FILIP1: variants seen among roughly 807,000 people sequenced by gnomAD.
The protein encoded by FILIP1 is filamin A interacting protein 1.
In FILIP1, 61 loss-of-function variants were observed where a neutral mutation model predicts 102.1. The observed-to-expected ratio is 0.60, with a 90% confidence interval of 0.49 to 0.74. The LOEUF (loss-of-function observed/expected upper bound fraction) is 0.74. Ranked by LOEUF, FILIP1 falls within the 30% of genes least tolerant of loss-of-function variation. The pLI is 0.00. For synonymous variants in FILIP1, 491 were observed against 526.9 expected, an observed-to-expected ratio of 0.93 and a Z score of 0.93; for missense variants, 1,314 against 1,441.2, an observed-to-expected ratio of 0.91 and a Z score of 1.43.
At chr6:75,361,115 A>T (rs1450147842) in intron 3 of FILIP1, among the ~76,000 whole-genome samples, 1 of 152,138 alleles carries the variant, frequency 6.6e-6, no homozygotes, top group Non-Finnish European at 1.5e-5. Context: ...GACTCTTCAG[A>T]TTGTTAAGAG....
chr6:75,387,402 A>C (rs1474906845), intron 2 of FILIP1, among the ~76,000 whole-genome samples: 1 of 152,158 alleles, frequency 6.6e-6, no homozygotes, highest in Non-Finnish European at 1.5e-5. Flanking sequence ...TTGGGTATAC[A>C]CCCAGTAATG....
chr6:75,307,426 T>C (rs1462309135), downstream of FILIP1, among the ~76,000 whole-genome samples: 1 of 152,170 alleles, frequency 6.6e-6, no homozygotes, highest in Non-Finnish European at 1.5e-5. Context: ...AAACTAAAAA[T>C]CTGTGACTTT....
chr6:75,324,479 G>A (rs112990108), intron 4 of FILIP1, among the ~76,000 whole-genome samples: 36 of 152,056 alleles, frequency 2.4e-4, no homozygotes, highest in African/African-American at 7.0e-4. Context: ...GCTCAGGGAC[G>A]GGTAGAATCA....
intron 2 of FILIP1, among the ~76,000 whole-genome samples, chr6:75,412,921 C>T (rs1777126171): frequency 6.6e-6 from 1 of 152,056 alleles, no homozygotes; most frequent in Non-Finnish European, 1.5e-5. Flanking sequence ...TTGATAGCTG[C>T]TCAAGAATAT....
At chr6:75,329,059 C>T (rs1582352950) in intron 4 of FILIP1, among the ~76,000 whole-genome samples, 1 of 152,336 alleles carries the variant, frequency 6.6e-6, no homozygotes, top group East Asian at 1.9e-4. Flanking sequence ...TCCTATTCCA[C>T]AGATACTTGT....
intron 6 of FILIP1, among the ~76,000 whole-genome samples, chr6:75,302,196 C>T (rs1582306249): frequency 6.6e-6 from 1 of 152,154 alleles, no homozygotes; most frequent in Non-Finnish European, 1.5e-5. Flanking sequence ...GTTTTGCATC[C>T]ATCACCTGCT....
At chr6:75,318,261 G>A (rs1048994077) in intron 4 of FILIP1, among the ~76,000 whole-genome samples, 4 of 125,036 alleles carry the variant, frequency 3.2e-5, no homozygotes, top group African/African-American at 1.2e-4. Flanking sequence ...TTAGAGACGA[G>A]ATCTTGTTCT....
chr6:75,320,017 A>T, intron 4 of FILIP1: 1 of 289,512 alleles, frequency 3.5e-6, no homozygotes, highest in East Asian at 7.8e-5. Flanking sequence ...AGAGTCGCCC[A>T]GTGCCGGTCC....
intron 5 of FILIP1, 67 bp downstream of exon 5, chr6:75,312,330 T>C (rs1379438811): frequency 6.7e-7 from 1 of 1,487,318 alleles, no homozygotes; most frequent in African/African-American, 1.4e-5. Flanking sequence ...CTGTGGGTGC[T>C]GGGTAGTCTC....
chr6:75,314,941 G>C lies in FILIP1; in HGVS notation c.891C>G (p.Leu297=), dbSNP rs529628057. ...SKSKEDRQKL[L]KLEVDFEHKA... is the part of the protein sequence containing the mutation. ...TGTGTTCAAAGTCCACTTCTAACTT[G>C]AGCAATTTCTGTCTGTCTTCTTTGG... Residue 297 remains leucine, a synonymous_variant, in exon 5 of 6, where the codon CTC becomes CTG. Transcript: ENST00000237172. 4 of 1,614,100 alleles carry C rather than the reference G, an allele frequency of 2.5e-6. No homozygotes were observed. Among genetic ancestry groups the C allele is most frequent in the African/African-American group, 2.7e-5 (2 of 75,046 alleles).
At chr6:75,453,821 T>C (rs995883649) in intron 1 of FILIP1, among the ~76,000 whole-genome samples, 1 of 152,080 alleles carries the variant, frequency 6.6e-6, no homozygotes, top group African/African-American at 2.4e-5. Context: ...AAAATCTCTG[T>C]CCTTAAGGGC....
chr6:75,476,589 G>A (rs1185970707), intron 1 of FILIP1, among the ~76,000 whole-genome samples: 5 of 152,132 alleles, frequency 3.3e-5, no homozygotes, highest in Admixed American at 1.3e-4. Context: ...TATTCTATAT[G>A]CATATTTTAC....
intron 1 of FILIP1, among the ~76,000 whole-genome samples, chr6:75,483,242 C>G (rs192308315): frequency 1.3e-5 from 2 of 152,350 alleles, no homozygotes; most frequent in Admixed American, 6.5e-5. Context: ...CATTAACACA[C>G]TGACCTGTCA....
intron 2 of FILIP1, among the ~76,000 whole-genome samples, chr6:75,404,408 T>C (rs1264936936): frequency 6.6e-6 from 1 of 152,136 alleles, no homozygotes; most frequent in Non-Finnish European, 1.5e-5. Context: ...TACTTTCTTA[T>C]ACTATTGTCC....
In FILIP1 at chr6:75,314,675, C is replaced by T. The variant is rs202178049; in HGVS notation, c.1157G>A (p.Arg386His). ...LMAEVENLRK[R>H]VLEMEGKDEE... ...ATCTTTACCTTCCATTTCAAGCACA[C>T]GCTTTCGAAGATTTTCCACTTCTGC... The change falls in exon 5 of 6, where the codon CGT becomes CAT. Residue 386 changes from arginine (R) to histidine (H), a missense_variant. Transcript: ENST00000237172. 32 of 1,613,614 alleles carry T rather than the reference C, an allele frequency of 2.0e-5. No homozygotes were observed. Among genetic ancestry groups the T allele is most frequent in the Middle Eastern group, 1.6e-4 (1 of 6,082 alleles).
chr6:75,313,605 G>A lies in FILIP1; in HGVS notation c.2227C>T (p.Gln743Ter), dbSNP rs777289478. The change falls in exon 5 of 6, where the codon CAG (glutamine) becomes TAG (stop). Residue 743 changes from glutamine to a stop codon, truncating the protein, a stop_gained. Coordinates refer to ENST00000237172, the MANE Select transcript of FILIP1 (RefSeq NM_015687.5). LOFTEE classifies it high-confidence loss of function. The surrounding 1 kb of genome is among the most constrained non-coding windows in gnomAD (Gnocchi z 4.2). ...ELMNKEDQLSQLQVDYSVLQQ... is the reference protein window; with the variant it reads ...ELMNKEDQLS ...AGTACAGAATAATCTACCTGGAGCT[G>A]AGAAAGCTGATCTTCTTTGTTCATT... The A allele has an allele frequency of 1.2e-6, 2 of 1,608,738 alleles. No individual in the cohort carries two copies. The highest frequency in any genetic ancestry group is 1.1e-5 in the South Asian group (1 of 89,812).
intron 4 of FILIP1, among the ~76,000 whole-genome samples, chr6:75,336,435 G>A (rs1371323780): frequency 6.6e-6 from 1 of 152,030 alleles, no homozygotes; most frequent in Non-Finnish European, 1.5e-5. Context: ...ACAGTTTAAT[G>A]TTGATGATGG....
At chr6:75,474,105 A>G (rs1779408255) in intron 1 of FILIP1, among the ~76,000 whole-genome samples, 1 of 152,178 alleles carries the variant, frequency 6.6e-6, no homozygotes, top group Non-Finnish European at 1.5e-5. Context: ...ACACATTTAT[A>G]TCTCCAAATG....
intron 2 of FILIP1, among the ~76,000 whole-genome samples, chr6:75,375,258 AG>A (rs1490907190): frequency 6.6e-6 from 1 of 152,252 alleles, no homozygotes; most frequent in African/African-American, 2.4e-5. Flanking sequence ...TTCAGCAGTA[AG>A]CGGGGAAGGT....
Sources: gnomAD v4.1 joint callset for allele counts (sites outside exome capture counted in the v4.1 genomes callset) on GRCh38, gnomAD v4.1.1 for gene constraint, Gnocchi (gnomAD v3.1) non-coding constraint, MANE v1.5 for transcripts, NCBI Gene and HGNC (gene_info 2026-07-23, HGNC 2026-07-21) for gene names.